The following PCDHGA3 variants were observed in gnomAD, a reference collection of about 807,000 sequenced individuals.
PCDHGA3 encodes the protein protocadherin gamma subfamily A, 3.
PCDHGA3 carries 40 observed loss-of-function variants against 58.5 expected under a neutral mutation model. That is an observed-to-expected ratio of 0.68 (90% CI 0.53 to 0.89). PCDHGA3 has a LOEUF of 0.89. Among genes scored for constraint, PCDHGA3 ranks in the 40% least tolerant of loss-of-function variants. The pLI, the probability that PCDHGA3 is intolerant of heterozygous loss-of-function variation, is 0.00. For synonymous variants in PCDHGA3, 530 were observed against 525.7 expected (o/e 1.01, Z -0.11); for missense variants, 1,223 against 1,195.9 (o/e 1.02, Z -0.33).
intron 1 of PCDHGA3, among the ~76,000 whole-genome samples, chr5:141,473,916 A>T (rs1014065718): frequency 2.6e-5 from 4 of 152,162 alleles, no homozygotes; most frequent in Non-Finnish European, 4.4e-5. Flanking sequence ...TCTTAAGAAA[A>T]CTATGAGCTG....
At chr5:141,408,423 A>G (rs2095103444) in intron 1 of PCDHGA3, 1 of 1,614,078 alleles carries the variant, frequency 6.2e-7, no homozygotes. Flanking sequence ...GAGAAGCTGC[A>G]CTTCAGCGTA....
At position 141,510,842 on chromosome 5, in the gene PCDHGA3, G is replaced by A. The variant is rs531098325; in HGVS notation, c.2573-105G>A. 8.7e-5 allele frequency: 138 copies of A among 1,590,280 alleles called. No homozygotes were observed. The African/African-American group carries it at 1.7e-3, about 19-fold the overall frequency. ...TATTCCCAGTGCTCAGCGTGGTCAA[G>A]GCCCAGGGTGCTGTATAGGCATTCA... On this transcript the variant is annotated intron_variant, in intron 3 of 3. Coordinates refer to ENST00000253812, the MANE Select transcript of PCDHGA3 (RefSeq NM_018916.4).
In PCDHGA3 at chr5:141,345,414, A is replaced by G; in HGVS notation, c.1381A>G (p.Ile461Val). ...CCCTCATTTATCCTACTCCGCCTAC[A>G]TTCCAGAAAACAACCCCAGAGGAGC... ...TFPHLSYSAY[I>V]PENNPRGASI... Residue 461 changes from isoleucine to valine, a missense_variant, in exon 1 of 4, where the codon ATT becomes GTT. Transcript: ENST00000253812. 1.9e-6 allele frequency: 3 copies of G among 1,614,088 alleles called. No individual in the cohort carries two copies. Among genetic ancestry groups the G allele is most frequent in the Non-Finnish European group, 1.7e-6 (2 of 1,180,004 alleles).
chr5:141,475,741 G>C (rs1455125695), intron 1 of PCDHGA3, among the ~76,000 whole-genome samples: 1 of 152,268 alleles, frequency 6.6e-6, no homozygotes, highest in Non-Finnish European at 1.5e-5. Flanking sequence ...CCCTAAGGTA[G>C]GTTTCCTATG....
intron 1 of PCDHGA3, chr5:141,374,378 A>C: frequency 6.2e-7 from 1 of 1,614,038 alleles, no homozygotes; most frequent in Non-Finnish European, 8.5e-7. Context: ...CTGTGCTCAG[A>C]GCCCGCGGTG....
chr5:141,487,595 G>C lies in PCDHGA3; in HGVS notation c.2425-7212G>C. ...TGTTCGCCCAAGCTGCCCACCCTCT[G>C]ATCTTCTCTATGGGCTAGAGGTGAG... On this transcript the variant is annotated intron_variant, in intron 1 of 3. Coordinates refer to ENST00000253812, the MANE Select transcript of PCDHGA3 (RefSeq NM_018916.4). The surrounding 1 kb of genome is among the most constrained non-coding windows in gnomAD (Gnocchi z 5.0). 1 of 1,614,202 alleles carries C rather than the reference G, an allele frequency of 6.2e-7. No homozygotes were observed. The highest frequency in any genetic ancestry group is 8.5e-7 in the Non-Finnish European group (1 of 1,180,038).
intron 1 of PCDHGA3, among the ~76,000 whole-genome samples, chr5:141,469,162 G>A (rs2099192596): frequency 6.6e-6 from 1 of 152,062 alleles, no homozygotes; most frequent in Admixed American, 6.6e-5. Flanking sequence ...TGTAGTCCCA[G>A]CTACTTGGGA....
At chr5:141,394,913 C>G (rs1284631853) in intron 1 of PCDHGA3, 2 of 1,613,780 alleles carry the variant, frequency 1.2e-6, no homozygotes, top group South Asian at 2.2e-5. Flanking sequence ...TGGCTGCCAT[C>G]TCCTGTGTCT....
At chr5:141,509,823 TTCTC>T (rs2099878456) in intron 3 of PCDHGA3, among the ~76,000 whole-genome samples, 1 of 152,170 alleles carries the variant, frequency 6.6e-6, no homozygotes, top group Non-Finnish European at 1.5e-5. Flanking sequence ...CTTCTCCATC[TTCTC>T]TCTACCTCCC....
chr5:141,484,949 A>C, intron 1 of PCDHGA3: 1 of 557,400 alleles, frequency 1.8e-6, no homozygotes, highest in Non-Finnish European at 3.2e-6. Context: ...TGCTCAGCCT[A>C]TTGGCTGAGC....
At chr5:141,421,613 A>G in intron 1 of PCDHGA3, 2 of 1,613,838 alleles carry the variant, frequency 1.2e-6, no homozygotes, top group South Asian at 2.2e-5. Flanking sequence ...GATATTAATG[A>G]TAACGCCCCC....
intron 1 of PCDHGA3, chr5:141,352,585 T>C (rs748971088): frequency 1.2e-6 from 2 of 1,613,952 alleles, no homozygotes; most frequent in Admixed American, 3.3e-5. Context: ...CCCCTCAGGA[T>C]CTGCTGTGTG....
intron 1 of PCDHGA3, chr5:141,392,933 C>A: frequency 6.2e-7 from 1 of 1,613,930 alleles, no homozygotes; most frequent in Non-Finnish European, 8.5e-7. Flanking sequence ...AAGAGACGGA[C>A]AAAGGCTCCT....
chr5:141,398,804 C>T, intron 1 of PCDHGA3: 1 of 1,614,012 alleles, frequency 6.2e-7, no homozygotes, highest in Non-Finnish European at 8.5e-7. Context: ...AGCGGCACCA[C>T]TGAGCTCCGG....
chr5:141,404,147 G>A lies in PCDHGA3; in HGVS notation c.2424+57690G>A, dbSNP rs750117507. 2 of 1,612,990 alleles carry A rather than the reference G, an allele frequency of 1.2e-6. No homozygotes were observed. The highest frequency in any genetic ancestry group is 1.7e-6 in the Non-Finnish European group (2 of 1,179,340). ...ATCTTTTACATTAGAAAATTCAGAA[G>A]AAGATTATTACAGATTGTTGACGGC... On this transcript the variant is annotated intron_variant, in intron 1 of 3. Coordinates refer to ENST00000253812, the MANE Select transcript of PCDHGA3 (RefSeq NM_018916.4).
chr5:141,423,267 G>A (rs530404769), intron 1 of PCDHGA3: 1 of 1,613,710 alleles, frequency 6.2e-7, no homozygotes, highest in Non-Finnish European at 8.5e-7. Flanking sequence ...GCAGCCTCGA[G>A]TCTCTGGCTA....
chr5:141,349,949 A>G (rs1309563072), intron 1 of PCDHGA3, among the ~76,000 whole-genome samples: 1 of 152,216 alleles, frequency 6.6e-6, no homozygotes, highest in South Asian at 2.1e-4. Flanking sequence ...TCCCTCCAGC[A>G]AATTAAAGAC....
chr5:141,418,754 G>A (rs748707880), intron 1 of PCDHGA3: 1 of 1,613,926 alleles, frequency 6.2e-7, no homozygotes, highest in South Asian at 1.1e-5. Context: ...TTACACTACA[G>A]GAAACATTCT....
chr5:141,362,255 T>C, intron 1 of PCDHGA3: 5 of 1,614,020 alleles, frequency 3.1e-6, no homozygotes, highest in Non-Finnish European at 4.2e-6. Flanking sequence ...TTCCTCGCGG[T>C]GATTCTGGCA....
Sources: allele counts gnomAD v4.1 joint callset (sites outside exome capture counted in the v4.1 genomes callset), GRCh38; gene constraint gnomAD v4.1.1; non-coding constraint Gnocchi (gnomAD v3.1); transcripts MANE v1.5; gene names NCBI Gene and HGNC (gene_info 2026-07-23, HGNC 2026-07-21).